NOS1AP: variants seen among roughly 807,000 people sequenced by gnomAD.
NOS1AP encodes the protein nitric oxide synthase 1 adaptor protein.
In NOS1AP, 21 loss-of-function variants were observed where a neutral mutation model predicts 56.2. That is an observed-to-expected ratio of 0.37 (90% confidence interval 0.26 to 0.54). The LOEUF is 0.54. Ranked by LOEUF, NOS1AP falls within the 20% of genes least tolerant of loss-of-function variation. NOS1AP has a pLI of 0.84. For missense variants in NOS1AP, 522 were observed against 657.8 expected, an observed-to-expected ratio of 0.79 and a Z score of 2.26; for synonymous variants, 270 against 274.6, an observed-to-expected ratio of 0.98 and a Z score of 0.17.
chr1:162,279,575 C>T (rs1478321804), intron 2 of NOS1AP, among the ~76,000 whole-genome samples: 1 of 152,182 alleles, frequency 6.6e-6, no homozygotes, highest in Admixed American at 6.5e-5. Flanking sequence ...GTCTCTTTAC[C>T]ATGTTTTTCT....
At chr1:162,153,933 A>G (rs1009590981) in intron 1 of NOS1AP, among the ~76,000 whole-genome samples, 24 of 152,100 alleles carry the variant, frequency 1.6e-4, no homozygotes, top group African/African-American at 4.6e-4. Context: ...CTAGGGCTCA[A>G]TCAGTGAAAT....
At chr1:162,257,360 AGGC>A (rs1353018291) in intron 2 of NOS1AP, among the ~76,000 whole-genome samples, 2 of 152,146 alleles carry the variant, frequency 1.3e-5, no homozygotes, top group Non-Finnish European at 2.9e-5. Flanking sequence ...AAAGCAAGCC[AGGC>A]CCAGACCAGG....
intron 3 of NOS1AP, among the ~76,000 whole-genome samples, chr1:162,290,693 T>G (rs1307485357): frequency 6.6e-6 from 1 of 152,204 alleles, no homozygotes; most frequent in African/African-American, 2.4e-5. Context: ...TTGGTGCTTG[T>G]GCCAGGCTAG....
chr1:162,169,640 G>A (rs1212158883), intron 2 of NOS1AP, among the ~76,000 whole-genome samples: 1 of 152,170 alleles, frequency 6.6e-6, no homozygotes, highest in Non-Finnish European at 1.5e-5. Context: ...ACTGTGCATT[G>A]GTAGAGCTGG....
chr1:162,272,005 G>C (rs780829663), intron 2 of NOS1AP, among the ~76,000 whole-genome samples: 1 of 152,090 alleles, frequency 6.6e-6, no homozygotes, highest in Admixed American at 6.6e-5. Flanking sequence ...TCAGCCTCCT[G>C]AGTAGGGACT....
At chr1:162,208,277 T>A (rs1479634626) in intron 2 of NOS1AP, among the ~76,000 whole-genome samples, 1 of 152,236 alleles carries the variant, frequency 6.6e-6, no homozygotes, top group Non-Finnish European at 1.5e-5. Flanking sequence ...CTCAGAATCT[T>A]GAAGCACTTA....
At chr1:162,184,705 A>G (rs1415590964) in intron 2 of NOS1AP, among the ~76,000 whole-genome samples, 1 of 152,170 alleles carries the variant, frequency 6.6e-6, no homozygotes, top group Non-Finnish European at 1.5e-5. Context: ...AAAGGTCTCC[A>G]TAGGATGCCT....
At chr1:162,111,538 A>G (rs779668429) in intron 1 of NOS1AP, among the ~76,000 whole-genome samples, 5 of 152,174 alleles carry the variant, frequency 3.3e-5, no homozygotes, top group Non-Finnish European at 7.3e-5. Context: ...AAGTCTCAAA[A>G]CAGTAGGACA....
At chr1:162,120,487 T>C (rs1648166426) in intron 1 of NOS1AP, among the ~76,000 whole-genome samples, 1 of 152,220 alleles carries the variant, frequency 6.6e-6, no homozygotes, top group Admixed American at 6.5e-5. Context: ...CTGGGTAATT[T>C]ATAAAGAAAC....
chr1:162,364,967 C>G (rs767249040), intron 8 of NOS1AP: 14 of 1,033,988 alleles, frequency 1.4e-5, no homozygotes, highest in Non-Finnish European at 1.6e-5. Context: ...TTTTAGAAGA[C>G]AGGATGAGAA....
intron 3 of NOS1AP, among the ~76,000 whole-genome samples, chr1:162,289,917 C>T (rs1324621032): frequency 6.6e-6 from 1 of 152,214 alleles, no homozygotes; most frequent in African/African-American, 2.4e-5. Context: ...TCTTGTTTCT[C>T]ACCTCACTGT....
chr1:162,300,538 T>G, intron 3 of NOS1AP, 95 bp from the exon 4 acceptor site: 1 of 1,118,500 alleles, frequency 8.9e-7, no homozygotes, highest in Non-Finnish European at 1.4e-6. Flanking sequence ...AAAAGTCAGG[T>G]CAGGAGCAAA....
At chr1:162,195,285 G>T (rs1454609157) in intron 2 of NOS1AP, among the ~76,000 whole-genome samples, 3 of 151,950 alleles carry the variant, frequency 2.0e-5, no homozygotes, top group Non-Finnish European at 2.9e-5. Context: ...CATGAAGTTG[G>T]TACCCCATAT....
intron 2 of NOS1AP, among the ~76,000 whole-genome samples, chr1:162,283,841 G>A (rs766165688): frequency 6.6e-6 from 1 of 152,188 alleles, no homozygotes; most frequent in Non-Finnish European, 1.5e-5. Flanking sequence ...CAAAGCAAAT[G>A]CATCAGATCA....
intron 8 of NOS1AP, among the ~76,000 whole-genome samples, chr1:162,362,535 G>A (rs1657939987): frequency 6.6e-6 from 1 of 152,132 alleles, no homozygotes; most frequent in Non-Finnish European, 1.5e-5. Flanking sequence ...CCCTCAATAA[G>A]TGCCAGTTAG....
chr1:162,318,593 GC>G (rs1656306442), intron 4 of NOS1AP, among the ~76,000 whole-genome samples: 1 of 150,772 alleles, frequency 6.6e-6, no homozygotes, highest in African/African-American at 2.4e-5. Context: ...CTCCTATTAC[GC>G]CCTCCATTTA....
At chr1:162,316,088 C>T (rs144807656) in intron 4 of NOS1AP, among the ~76,000 whole-genome samples, 4 of 152,204 alleles carry the variant, frequency 2.6e-5, no homozygotes, top group Non-Finnish European at 5.9e-5. Context: ...GACTTTTATT[C>T]GGGACTGAGT....
chr1:162,134,502 AAAAGTAAAACC>A (rs1295446584), intron 1 of NOS1AP, among the ~76,000 whole-genome samples: 2 of 141,034 alleles, frequency 1.4e-5, no homozygotes, highest in African/African-American at 5.6e-5. Context: ...AAAAAAAAAA[AAAAGTAAAACC>A]GTAGTGCTGT....
chr1:162,144,031 A>G (rs1487514391), intron 1 of NOS1AP, among the ~76,000 whole-genome samples: 2 of 152,188 alleles, frequency 1.3e-5, no homozygotes, highest in Non-Finnish European at 2.9e-5. Context: ...TCATGGCACC[A>G]TTTTTATTTA....
Sources: allele counts gnomAD v4.1 joint callset (sites outside exome capture counted in the v4.1 genomes callset), GRCh38; gene constraint gnomAD v4.1.1; transcripts MANE v1.5; gene names NCBI Gene and HGNC (gene_info 2026-07-23, HGNC 2026-07-21).